The following ELP2 variants were observed in gnomAD, a reference collection of about 807,000 sequenced individuals.
ELP2 encodes the protein elongator acetyltransferase complex subunit 2, also known as elongator complex protein 2.
A neutral mutation model predicts 119.2 loss-of-function variants in ELP2; 90 were observed. The ratio of observed to expected loss-of-function variants is 0.75; its 90% CI spans 0.64 to 0.90. The LOEUF is 0.90. Among genes scored for constraint, ELP2 ranks in the 40% least tolerant of loss-of-function variants. The pLI is 0.00. For missense variants in ELP2, 921 were observed against 967.8 expected (o/e 0.95, Z 0.64); for synonymous variants, 339 against 331.0 (o/e 1.02, Z -0.26).
At chr18:36,138,924 C>T (rs1314768405) in intron 5 of ELP2, 52 bp downstream of exon 5, 2 of 1,333,608 alleles carry the variant, frequency 1.5e-6, no homozygotes, top group Non-Finnish European at 2.2e-6. Context: ...TGCATACTGT[C>T]ATATGATTAG....
chr18:36,142,192 A>G (rs2090055053), intron 6 of ELP2, 89 bp from the exon 7 acceptor site: 2 of 1,017,034 alleles, frequency 2.0e-6, no homozygotes, highest in African/African-American at 1.6e-5. Flanking sequence ...AGAGCAACGC[A>G]GTAGGACTGT....
At chr18:36,160,707 G>GT (rs2090711150) in intron 16 of ELP2, among the ~76,000 whole-genome samples, 1 of 152,012 alleles carries the variant, frequency 6.6e-6, no homozygotes, top group African/African-American at 2.4e-5. Flanking sequence ...GTGAAAACTT[G>GT]TATGTTAATT....
chr18:36,146,500 C>T (rs1355519427), intron 11 of ELP2, 119 bp downstream of exon 11: 1 of 1,135,702 alleles, frequency 8.8e-7, no homozygotes, highest in East Asian at 2.5e-5. Context: ...GTTCAAGTGA[C>T]ATAACTTTTT....
rs774059741 is a variant in ELP2, at chr18:36,144,927, CT to C, written c.797-8del. 7.5e-6 allele frequency: 12 copies of C among 1,601,158 alleles called. No homozygotes were observed. The highest frequency in any genetic ancestry group is 1.0e-5 in the Non-Finnish European group (12 of 1,168,558). On this transcript the variant is annotated splice_polypyrimidine_tract_variant and intron_variant, in intron 8 of 21. Transcript: ENST00000358232. ...CTTTGAGGAAATAATACCTTCATTG[CT>C]TTTGTTATAGGTGTTAAAATAGCAT...
intron 9 of ELP2, among the ~76,000 whole-genome samples, chr18:36,145,710 T>C (rs2090175630): frequency 1.3e-5 from 2 of 152,252 alleles, no homozygotes; most frequent in Admixed American, 1.3e-4. Context: ...CCACATTGAT[T>C]TGTGAAGCTC....
intron 1 of ELP2, among the ~76,000 whole-genome samples, chr18:36,132,609 T>C (rs2089675530): frequency 6.6e-6 from 1 of 152,026 alleles, no homozygotes; most frequent in South Asian, 2.1e-4. Context: ...CCTCCAAGTG[T>C]GGGGTGAAGT....
chr18:36,152,794 T>C (rs777958641), intron 11 of ELP2, among the ~76,000 whole-genome samples: 14 of 152,228 alleles, frequency 9.2e-5, no homozygotes, highest in Non-Finnish European at 1.8e-4. Context: ...CTCTGTAGCA[T>C]TTAAAACCAA....
rs1459029988 is a variant in ELP2 at position 36,146,055 on chromosome 18, A to G, written c.993+7A>G. ...AGGAGTTTGGCTAGAACAGGTAAAA[A>G]TGTTGGATATTTAAGGAACAGAAAA... On this transcript the variant is annotated splice_region_variant and intron_variant, in intron 10 of 21. Transcript: ENST00000358232. 4 of 1,612,628 alleles carry G rather than the reference A, an allele frequency of 2.5e-6. No homozygotes were observed. Among genetic ancestry groups the G allele is most frequent in the Non-Finnish European group, 3.4e-6 (4 of 1,178,660 alleles).
At position 36,170,148 on chromosome 18, in the gene ELP2, G is replaced by A; in HGVS notation, c.2162G>A (p.Gly721Glu). ...GPCSSVLDVG[G>E]AVTAVSVCPV... ...TGCTCCTCAGTCCTGGACGTGGGTG[G>A]GGCTGTGACAGCTGTCAGCGTCTGC... Residue 721 changes from glycine (G) to glutamate (E), a missense_variant, in exon 20 of 22, where the codon GGG (glycine) becomes GAG (glutamate). Coordinates refer to ENST00000358232, the MANE Select transcript of ELP2 (RefSeq NM_018255.4). 1 of 1,613,992 alleles carries A rather than the reference G, an allele frequency of 6.2e-7. No homozygotes were observed. The highest frequency in any genetic ancestry group is 8.5e-7 in the Non-Finnish European group (1 of 1,179,986).
At chr18:36,163,275 G>GGTGTGTGTGT (rs59728775) in intron 17 of ELP2, among the ~76,000 whole-genome samples, 2,615 of 145,474 alleles carry the variant, frequency 0.018, 81 homozygotes, top group African/African-American at 0.063. Flanking sequence ...GTTCATGGGG[G>GGTGTGTGTGT]GTGTGTGTGT....
At position 36,167,123 on chromosome 18, in the gene ELP2, C is replaced by G; in HGVS notation, c.1977C>G (p.Ala659=). ...PEFEPVFSLF[A]FTNKITSVHS... Reference sequence around the variant, plus strand: ...CAGAGCCAGTTTTTAGTCTTTTTGCCTTCACCAACAAAATTACTTCTGTGC... The same window carrying G: ...CAGAGCCAGTTTTTAGTCTTTTTGCGTTCACCAACAAAATTACTTCTGTGC... The change falls in exon 19 of 22, where the codon GCC becomes GCG. Residue 659 remains alanine, a synonymous_variant. Coordinates refer to ENST00000358232, the MANE Select transcript of ELP2 (RefSeq NM_018255.4). 6.3e-7 allele frequency: 1 copy of G among 1,597,950 alleles called. No individual in the cohort carries two copies.
At chr18:36,163,275 G>GGGGTGTGTGTGTGTGTGTGT (rs1555644861) in intron 17 of ELP2, among the ~76,000 whole-genome samples, 32 of 145,484 alleles carry the variant, frequency 2.2e-4, no homozygotes, top group African/African-American at 7.6e-4. Context: ...GTTCATGGGG[G>GGGGTGTGTGTGTGTGTGTGT]GTGTGTGTGT....
In ELP2 at chr18:36,147,922, A is replaced by T. The variant is rs1052630529; in HGVS notation, c.1125+1541A>T. 3.0e-4 allele frequency among the ~76,000 whole-genome samples: 46 copies of T among 151,774 alleles called. 1 individual carries two copies. The highest frequency in any genetic ancestry group is 2.6e-3 in the Admixed American group (39 of 15,234). On this transcript the variant is annotated intron_variant, in intron 11 of 21. Transcript: ENST00000358232. The stretch of plus-strand genomic sequence containing the variant: ...GACGTGTAGGGTGAGGTATGGGAGA[A>T]GGGGTGCCAAGCTCCCATGCCCTCC...
In ELP2 at chr18:36,130,015, C is replaced by A. The variant is rs2089534686; in HGVS notation, c.82C>A (p.Pro28Thr). ...VRGVLNWSSG[P>T]RGLLAFGTSC... ...GGGAGTCCTGAACTGGAGCTCTGGG[C>A]CCAGAGGACTTCTGGCCTTTGGCAC... The change falls in exon 1 of 22, where the codon CCC becomes ACC. Residue 28 changes from proline to threonine, a missense_variant. Transcript: ENST00000358232. The A allele has an allele frequency of 3.1e-6, 5 of 1,614,156 alleles. No individual in the cohort carries two copies. The East Asian group carries it at 6.7e-5, about 22-fold the overall frequency.
chr18:36,139,326 C>G, intron 5 of ELP2: 1 of 1,243,434 alleles, frequency 8.0e-7, no homozygotes, highest in Non-Finnish European at 1.1e-6. Context: ...GAAAAATTTC[C>G]CTTTTGCTGT....
At chr18:36,142,767 TTATACA>T (rs1481693451) in intron 7 of ELP2, 53 bp from the exon 8 acceptor site, 106 of 1,186,638 alleles carry the variant, frequency 8.9e-5, no homozygotes, top group African/African-American at 2.2e-4. Flanking sequence ...CAAAAAAGTC[TTATACA>T]TAAACTTCAC....
Position 36,146,232 on chromosome 18 carries a change from C to G in ELP2, c.994-18C>G, listed in dbSNP as rs1406083320. 17 of 1,613,966 alleles carry G rather than the reference C, an allele frequency of 1.1e-5. No individual in the cohort carries two copies. The highest frequency in any genetic ancestry group is 1.4e-5 in the Non-Finnish European group (17 of 1,179,900). On this transcript the variant is annotated intron_variant, in intron 10 of 21. Coordinates refer to ENST00000358232, the MANE Select transcript of ELP2 (RefSeq NM_018255.4). ...TAGACTATTGATTAAGAATTGTTTTCTGTCTGTTATTGTACAGGTTCGAGT... is the reference window on the plus strand; with the variant it reads ...TAGACTATTGATTAAGAATTGTTTTGTGTCTGTTATTGTACAGGTTCGAGT...
In ELP2 at chr18:36,176,766, C is replaced by A. The variant is rs866299710; in HGVS notation, c.*2125C>A. The A allele has an allele frequency of 3.3e-5, 5 of 152,092 alleles. No individual in the cohort carries two copies. The highest frequency in any genetic ancestry group is 1.2e-4 in the African/African-American group (5 of 41,396). The allele number at this position is 152,092 out of a possible 1,614,324, so 9.4% of individuals were successfully genotyped here. On this transcript the variant is annotated 3_prime_UTR_variant, in exon 22 of 22. Coordinates refer to ENST00000358232, the MANE Select transcript of ELP2 (RefSeq NM_018255.4). ...ATTGTAGTAATTCATAATATTGAAG[C>A]GATTCATAATATCTGAAGCAATCCC...
intron 11 of ELP2, among the ~76,000 whole-genome samples, chr18:36,152,196 CA>C (rs34123067): frequency 0.9 from 129,924 of 144,508 alleles, 58,599 homozygotes; most frequent in Non-Finnish European, 0.95. Context: ...GACCCTATCT[CA>C]AAAAAAAAAA....
Sources: gnomAD v4.1 joint callset for allele counts (sites outside exome capture counted in the v4.1 genomes callset) on GRCh38, gnomAD v4.1.1 for gene constraint, MANE v1.5 for transcripts, NCBI Gene and HGNC (gene_info 2026-07-23, HGNC 2026-07-21) for gene names.